Variants in SUGCT observed in about 807,000 individuals in gnomAD.
SUGCT encodes succinyl-CoA:glutarate-CoA transferase.
SUGCT carries 41 observed loss-of-function variants against 55.0 expected under a neutral mutation model. That is an observed-to-expected ratio of 0.74 (90% CI 0.58 to 0.97). The LOEUF is 0.97. Among genes scored for constraint, SUGCT ranks in the 50% least tolerant of loss-of-function variants. The probability of loss-of-function intolerance (pLI) is 0.00; values close to 1 mark genes in which losing one functional copy is unlikely to be tolerated. For missense variants in SUGCT, 568 were observed against 547.8 expected (o/e 1.04, Z -0.37); for synonymous variants, 187 against 200.4 (o/e 0.93, Z 0.56).
At chr7:40,729,058 C>G (rs1299937660) in intron 12 of SUGCT, among the ~76,000 whole-genome samples, 1 of 152,174 alleles carries the variant, frequency 6.6e-6, no homozygotes, top group Non-Finnish European at 1.5e-5. Flanking sequence ...AGCCTACAGT[C>G]AGACACTACA....
the SUGCT span, among the ~76,000 whole-genome samples, chr7:40,908,324 A>G: frequency 6.7e-6 from 1 of 148,206 alleles, no homozygotes; most frequent in African/African-American, 2.5e-5. Flanking sequence ...TGGAGCTTGC[A>G]GTGAGCTGAG....
At chr7:41,028,558 C>A in the SUGCT span, among the ~76,000 whole-genome samples, 11 of 152,210 alleles carry the variant, frequency 7.2e-5, no homozygotes, top group African/African-American at 2.7e-4. Flanking sequence ...ATGGTATAAC[C>A]TATCACTCCA....
At chr7:40,444,037 T>G (rs575970694) in intron 9 of SUGCT, among the ~76,000 whole-genome samples, 21 of 152,034 alleles carry the variant, frequency 1.4e-4, no homozygotes, top group African/African-American at 3.9e-4. Flanking sequence ...GGTTGTAGAT[T>G]TGTGGTATTA....
At chr7:40,278,084 A>G (rs1193861614) in intron 8 of SUGCT, among the ~76,000 whole-genome samples, 2 of 152,152 alleles carry the variant, frequency 1.3e-5, no homozygotes, top group African/African-American at 4.8e-5. Context: ...AATCCAGTCT[A>G]TCATTGTTGG....
chr7:40,703,407 C>T (rs1785254000), intron 12 of SUGCT, among the ~76,000 whole-genome samples: 1 of 152,168 alleles, frequency 6.6e-6, no homozygotes. Context: ...TGACCCACAG[C>T]ATCCCCACAG....
intron 4 of SUGCT, among the ~76,000 whole-genome samples, chr7:40,188,789 G>A (rs957361608): frequency 6.6e-6 from 1 of 151,816 alleles, no homozygotes; most frequent in African/African-American, 2.4e-5. Context: ...AAGTAACTTA[G>A]AACATTTCAT....
downstream of SUGCT, among the ~76,000 whole-genome samples, chr7:40,863,806 C>T (rs1450188894): frequency 6.6e-6 from 1 of 152,002 alleles, no homozygotes; most frequent in Non-Finnish European, 1.5e-5. Flanking sequence ...AGTTGCTTAT[C>T]TTGATTACAG....
intron 12 of SUGCT, among the ~76,000 whole-genome samples, chr7:40,549,560 G>C (rs1795191676): frequency 6.6e-6 from 1 of 152,116 alleles, no homozygotes; most frequent in South Asian, 2.1e-4. Context: ...GTTTTCAGTG[G>C]TGATGCAGTC....
chr7:40,228,929 C>T (rs1167416515), intron 6 of SUGCT, among the ~76,000 whole-genome samples: 1 of 152,048 alleles, frequency 6.6e-6, no homozygotes, highest in Non-Finnish European at 1.5e-5. Context: ...TATTATCCTT[C>T]TTGATGCTCA....
At chr7:40,666,314 A>C (rs1001465450) in intron 12 of SUGCT, among the ~76,000 whole-genome samples, 4 of 147,862 alleles carry the variant, frequency 2.7e-5, no homozygotes, top group African/African-American at 7.7e-5. Context: ...CACACCTTGC[A>C]CTCCAGCCTG....
intron 12 of SUGCT, among the ~76,000 whole-genome samples, chr7:40,605,078 T>G (rs957982420): frequency 2.0e-5 from 3 of 152,250 alleles, no homozygotes; most frequent in African/African-American, 7.2e-5. Flanking sequence ...CTTAAAGAAT[T>G]TCAAGCTTTT....
Position 40,522,285 on chromosome 7 carries a change from A to G in SUGCT, c.1089+25899A>G, listed in dbSNP as rs181360602. 3.3e-5 allele frequency among the ~76,000 whole-genome samples: 5 copies of G among 152,200 alleles called. No individual in the cohort carries two copies. In the East Asian group the frequency reaches 7.7e-4, roughly 24 times the overall value. ...AAAATGTACTGTCTCAGAGAAACCA[A>G]CTCTAACTGGGCAACCCGTCCTCCT... On this transcript the variant is annotated intron_variant, in intron 12 of 13. Transcript: ENST00000335693.
chr7:40,812,323 A>G (rs35146091), intron 13 of SUGCT, among the ~76,000 whole-genome samples: 47,692 of 151,908 alleles, frequency 0.31, 7,918 homozygotes, highest in East Asian at 0.44. Flanking sequence ...TACATCAGGT[A>G]GAATTCAGCT....
chr7:40,211,540 C>T (rs574052341), intron 6 of SUGCT, among the ~76,000 whole-genome samples: 21 of 152,166 alleles, frequency 1.4e-4, no homozygotes, highest in Non-Finnish European at 2.6e-4. Context: ...ATTACATACA[C>T]GAGGCATGGA....
At chr7:40,455,382 T>C (rs1464188565) in intron 10 of SUGCT, among the ~76,000 whole-genome samples, 1 of 152,190 alleles carries the variant, frequency 6.6e-6, no homozygotes, top group Non-Finnish European at 1.5e-5. Context: ...TCTAAATATA[T>C]GAATTAACAG....
At chr7:40,951,306 T>A in the SUGCT span, among the ~76,000 whole-genome samples, 2 of 151,762 alleles carry the variant, frequency 1.3e-5, no homozygotes, top group Non-Finnish European at 3.0e-5. Context: ...GGTGGTGATA[T>A]CCTATCATTT....
intron 9 of SUGCT, among the ~76,000 whole-genome samples, chr7:40,370,189 A>T (rs933938020): frequency 6.6e-6 from 1 of 152,180 alleles, no homozygotes; most frequent in Admixed American, 6.5e-5. Context: ...AAGTTGTCTC[A>T]TCACATCTGC....
intron 13 of SUGCT, among the ~76,000 whole-genome samples, chr7:40,835,197 C>T (rs1259196018): frequency 6.6e-6 from 1 of 152,206 alleles, no homozygotes; most frequent in Non-Finnish European, 1.5e-5. Context: ...TGGACCAGGA[C>T]AATGCAGTTC....
At chr7:40,725,679 G>C (rs534640703) in intron 12 of SUGCT, among the ~76,000 whole-genome samples, 1 of 150,874 alleles carries the variant, frequency 6.6e-6, no homozygotes, top group East Asian at 2.0e-4. Flanking sequence ...GTAATCTCTT[G>C]AAACCCTATA....
Sources: gnomAD v4.1 joint callset for allele counts (sites outside exome capture counted in the v4.1 genomes callset) on GRCh38, gnomAD v4.1.1 for gene constraint, MANE v1.5 for transcripts, NCBI Gene and HGNC (gene_info 2026-07-23, HGNC 2026-07-21) for gene names.